The following TUSC3 variants were observed in gnomAD, a reference collection of about 807,000 sequenced individuals.
TUSC3 encodes tumor suppressor candidate 3.
In TUSC3, 45 loss-of-function variants were observed where a neutral mutation model predicts 44.8. That is an observed-to-expected ratio of 1.00 (90% confidence interval 0.79 to 1.29). TUSC3 has a LOEUF of 1.29. Ranked by LOEUF, TUSC3 falls within the 50% of genes most tolerant of loss-of-function variation. The probability of loss-of-function intolerance (pLI) is 0.00; values close to 1 mark genes in which losing one functional copy is unlikely to be tolerated. For synonymous variants in TUSC3, 212 were observed against 152.9 expected (o/e 1.39, Z -2.85); for missense variants, 519 against 437.9 (o/e 1.19, Z -1.65).
the TUSC3 span, among the ~76,000 whole-genome samples, chr8:15,785,506 C>G: frequency 6.6e-6 from 1 of 150,768 alleles, no homozygotes; most frequent in Non-Finnish European, 1.5e-5. Context: ...AACTACCATC[C>G]TGACCTTCTT....
chr8:15,692,693 C>G (rs111721231), intron 6 of TUSC3, among the ~76,000 whole-genome samples: 10 of 149,684 alleles, frequency 6.7e-5, no homozygotes, highest in South Asian at 2.1e-4. Flanking sequence ...TGGAGTCAGT[C>G]GTAGCACCCC....
chr8:15,605,594 T>G (rs1384425687), intron 1 of TUSC3, among the ~76,000 whole-genome samples: 1 of 151,864 alleles, frequency 6.6e-6, no homozygotes, highest in East Asian at 1.9e-4. Context: ...ATGGACTGCA[T>G]TGCCTTACAA....
chr8:15,792,415 G>C, the TUSC3 span, among the ~76,000 whole-genome samples: 1 of 152,068 alleles, frequency 6.6e-6, no homozygotes, highest in African/African-American at 2.4e-5. Context: ...GATCATTTTT[G>C]AGATACAAAC....
At chr8:15,651,515 G>A (rs1806903075) in intron 3 of TUSC3, among the ~76,000 whole-genome samples, 1 of 152,182 alleles carries the variant, frequency 6.6e-6, no homozygotes, top group African/African-American at 2.4e-5. Context: ...CCATAAAGGT[G>A]GAACCCTAGT....
chr8:15,669,941 G>C (rs1807868453), intron 5 of TUSC3, among the ~76,000 whole-genome samples: 1 of 151,426 alleles, frequency 6.6e-6, no homozygotes, highest in Non-Finnish European at 1.5e-5. Flanking sequence ...TCGTAAATTG[G>C]GTAAGGTTAA....
chr8:15,485,469 T>TTC (rs201114589), intron 2 of TUSC3, among the ~76,000 whole-genome samples: 116 of 143,394 alleles, frequency 8.1e-4, no homozygotes, highest in Non-Finnish European at 9.0e-4. Flanking sequence ...GTTGTCTTTT[T>TTC]TTTTTTGTTT....
the TUSC3 span, chr8:15,807,352 CACAACA>C: frequency 2.6e-6 from 1 of 382,836 alleles, no homozygotes; most frequent in Non-Finnish European, 4.8e-6. Context: ...AGTCAACAAC[CACAACA>C]ACAACAACAA....
At chr8:15,484,434 G>A (rs1003662870) in intron 2 of TUSC3, among the ~76,000 whole-genome samples, 5 of 152,150 alleles carry the variant, frequency 3.3e-5, no homozygotes, top group Non-Finnish European at 5.9e-5. Flanking sequence ...GTAAATAAAC[G>A]CTTTTGTTTT....
chr8:15,712,994 C>T (rs1291926879), intron 6 of TUSC3, among the ~76,000 whole-genome samples: 1 of 152,024 alleles, frequency 6.6e-6, no homozygotes, highest in East Asian at 1.9e-4. Flanking sequence ...AGTTGGATGT[C>T]CACAGCATTT....
At position 15,512,864 on chromosome 8, in the gene TUSC3, ATG is replaced by A. The variant is rs1193295674; in HGVS notation, n.189+29389_189+29390del. 3.6e-3 allele frequency among the ~76,000 whole-genome samples: 300 copies of A among 82,672 alleles called. 8 individuals carry two copies. In the East Asian group the frequency reaches 0.095, roughly 26 times the overall value. 54.2% of individuals were successfully genotyped at this position (82,672 alleles called of 152,430 possible). A position where few individuals can be genotyped will look rare whatever the true frequency, so the allele number is the denominator to read the frequency against. On this transcript the variant is annotated intron_variant and non_coding_transcript_variant, in intron 2 of 5. Transcript: ENST00000503191. The stretch of plus-strand genomic sequence containing the variant: ...TATATTTGTGTGTGTGTGTATATAT[ATG>A]TGTGTGTATATATATATATACACAC...
intron 6 of TUSC3, among the ~76,000 whole-genome samples, chr8:15,718,714 A>G (rs550015060): frequency 3.8e-4 from 58 of 152,088 alleles, no homozygotes; most frequent in Non-Finnish European, 6.8e-4. Context: ...TAGATATATA[A>G]CTTATGTTGA....
intron 2 of TUSC3, among the ~76,000 whole-genome samples, chr8:15,530,964 G>A (rs561100731): frequency 6.6e-6 from 1 of 152,252 alleles, no homozygotes; most frequent in South Asian, 2.1e-4. Context: ...AGAAAACACT[G>A]CTTCAGTATG....
At chr8:15,654,181 T>A (rs535843715) in intron 3 of TUSC3, among the ~76,000 whole-genome samples, 5 of 152,322 alleles carry the variant, frequency 3.3e-5, no homozygotes, top group African/African-American at 1.2e-4. Flanking sequence ...TCCTATAGTT[T>A]TCATGTGGGG....
chr8:15,463,465 T>A (rs1800373896), intron 1 of TUSC3, among the ~76,000 whole-genome samples: 1 of 152,162 alleles, frequency 6.6e-6, no homozygotes, highest in South Asian at 2.1e-4. Flanking sequence ...TAATTGGACC[T>A]AATAAACTCA....
intron 2 of TUSC3, among the ~76,000 whole-genome samples, chr8:15,505,578 C>T (rs981093083): frequency 3.9e-5 from 6 of 152,086 alleles, no homozygotes; most frequent in African/African-American, 1.4e-4. Flanking sequence ...CAGTATGTCC[C>T]AAGCTTGTCT....
chr8:15,491,045 G>T (rs902980125), intron 2 of TUSC3, among the ~76,000 whole-genome samples: 1 of 152,288 alleles, frequency 6.6e-6, no homozygotes, highest in African/African-American at 2.4e-5. Context: ...AGCGTTCACT[G>T]AACACACATT....
chr8:15,644,325 T>A (rs1430137727), intron 2 of TUSC3, among the ~76,000 whole-genome samples: 1 of 152,230 alleles, frequency 6.6e-6, no homozygotes, highest in Non-Finnish European at 1.5e-5. Context: ...TTAGAATTTA[T>A]GGCGTTCACT....
At chr8:15,645,254 C>G (rs933844106) in intron 2 of TUSC3, among the ~76,000 whole-genome samples, 11 of 152,100 alleles carry the variant, frequency 7.2e-5, no homozygotes, top group African/African-American at 2.7e-4. Context: ...ATGTTTCTAC[C>G]ACTTCCAGAG....
chr8:15,784,294 T>A, the TUSC3 span, among the ~76,000 whole-genome samples: 3 of 152,088 alleles, frequency 2.0e-5, no homozygotes, highest in Non-Finnish European at 4.4e-5. Context: ...TGAAGGTTCC[T>A]CAAAACACTA....
Sources: gnomAD v4.1 joint callset for allele counts (sites outside exome capture counted in the v4.1 genomes callset) on GRCh38, gnomAD v4.1.1 for gene constraint, MANE v1.5 for transcripts, NCBI Gene and HGNC (gene_info 2026-07-23, HGNC 2026-07-21) for gene names.